Variants in ASXL2 observed in about 807,000 individuals in gnomAD.
ASXL2 encodes the protein ASXL transcriptional regulator 2.
Under a neutral mutation model 122.0 loss-of-function variants are expected in ASXL2, and 23 were observed. The observed-to-expected ratio is 0.19, with a 90% CI of 0.14 to 0.27. The LOEUF (loss-of-function observed/expected upper bound fraction) is 0.27. Ranked by LOEUF, ASXL2 falls within the 10% of genes least tolerant of loss-of-function variation. The probability of loss-of-function intolerance (pLI) is 1.00; values close to 1 mark genes in which losing one functional copy is unlikely to be tolerated. For synonymous variants in ASXL2, 650 were observed against 637.0 expected (o/e 1.02, Z -0.31); for missense variants, 1,518 against 1,713.8 (o/e 0.89, Z 2.02).
rs1402223554 is a variant in ASXL2 at position 25,742,159 on chromosome 2, A to G, written c.4178T>C (p.Ile1393Thr). The stretch of plus-strand genomic sequence containing the variant: ...GTAACATTTCGAAGGCGTGCCCTCT[A>G]TGCTGTTCTCTTCGGAGAACGCCTG... ...PVQAFSEENS[I>T]EGTPSKCYCR... The change falls in exon 13 of 13, where the codon ATA (isoleucine) becomes ACA (threonine). Residue 1393 changes from isoleucine (I) to threonine (T), a missense_variant. Transcript: ENST00000435504. 6.2e-7 allele frequency: 1 copy of G among 1,614,050 alleles called. No individual in the cohort carries two copies. The highest frequency in any genetic ancestry group is 1.1e-5 in the South Asian group (1 of 91,080).
At chr2:25,752,190 G>C (rs2088057485) in intron 11 of ASXL2, among the ~76,000 whole-genome samples, 1 of 152,154 alleles carries the variant, frequency 6.6e-6, no homozygotes, top group Non-Finnish European at 1.5e-5. Context: ...TGTGGTTACG[G>C]GTCTTCTTAA....
chr2:25,804,755 T>C (rs1436226061), intron 4 of ASXL2, among the ~76,000 whole-genome samples: 1 of 152,168 alleles, frequency 6.6e-6, no homozygotes, highest in Non-Finnish European at 1.5e-5. Flanking sequence ...AATTTGAAAT[T>C]GGCAAGCTTG....
At chr2:25,790,800 C>CTTTTTTT (rs35046164) in intron 5 of ASXL2, among the ~76,000 whole-genome samples, 2 of 108,854 alleles carry the variant, frequency 1.8e-5, no homozygotes, top group Non-Finnish European at 3.6e-5. Flanking sequence ...AGTTTTTTGT[C>CTTTTTTT]TTTTTTTTTT....
chr2:25,856,608 CCCA>C (rs1377940523), intron 1 of ASXL2: 2 of 1,226,658 alleles, frequency 1.6e-6, no homozygotes, highest in Middle Eastern at 3.8e-4. Context: ...TGTGCAGAGC[CCCA>C]CCACAAGGTC....
chr2:25,800,979 T>A (rs2088989740), intron 4 of ASXL2, among the ~76,000 whole-genome samples: 1 of 152,174 alleles, frequency 6.6e-6, no homozygotes. Context: ...CAGGCTGGAG[T>A]GCAGTAGTGC....
chr2:25,767,707 T>C lies in ASXL2; in HGVS notation c.651A>G (p.Gln217=), dbSNP rs753208435. The stretch of plus-strand genomic sequence containing the variant: ...GAGGGCTGCCTGTCTGTCCATCAGA[T>C]TGCTTTCCTTCCCATGTTGCTAGGA... ...PAKPATWEGK[Q]SDGQTGSPQN... is the part of the protein sequence containing the mutation. The change falls in exon 8 of 13, where the codon CAA becomes CAG. Residue 217 remains glutamine, a synonymous_variant. Transcript: ENST00000435504. The C allele has an allele frequency of 4.2e-5, 67 of 1,613,940 alleles. No homozygotes were observed. The highest frequency in any genetic ancestry group is 1.0e-4 in the Admixed American group (6 of 60,022).
At chr2:25,810,223 G>C in intron 3 of ASXL2, 1 of 604,312 alleles carries the variant, frequency 1.7e-6, no homozygotes, top group Non-Finnish European at 3.2e-6. Flanking sequence ...GACACTGCCA[G>C]CTCAGCTCGT....
intron 3 of ASXL2, among the ~76,000 whole-genome samples, chr2:25,829,069 C>T (rs985995673): frequency 1.3e-5 from 2 of 152,088 alleles, no homozygotes; most frequent in Admixed American, 6.6e-5. Context: ...TGGTTTATTA[C>T]AGCATCAGGC....
chr2:25,784,089 A>G (rs1421207784), intron 5 of ASXL2, among the ~76,000 whole-genome samples: 1 of 148,136 alleles, frequency 6.8e-6, no homozygotes, highest in Non-Finnish European at 1.5e-5. Context: ...AAATAAATAA[A>G]TAAATAAATA....
At chr2:25,849,648 T>C (rs985179818) in intron 1 of ASXL2, among the ~76,000 whole-genome samples, 1 of 151,830 alleles carries the variant, frequency 6.6e-6, no homozygotes, top group Non-Finnish European at 1.5e-5. Context: ...CTAATTTTTG[T>C]ATTTTTTTGT....
chr2:25,778,357 T>C (rs1374561861), intron 5 of ASXL2, among the ~76,000 whole-genome samples: 3 of 152,178 alleles, frequency 2.0e-5, no homozygotes, highest in African/African-American at 7.2e-5. Context: ...AATGTGTTCA[T>C]AAGGCAAGGA....
At position 25,767,728 on chromosome 2, in the gene ASXL2, T is replaced by A. The variant is rs2088377022; in HGVS notation, c.632-2A>T. On this transcript the variant is annotated splice_acceptor_variant, in intron 7 of 12. Coordinates refer to ENST00000435504, the MANE Select transcript of ASXL2 (RefSeq NM_018263.6). LOFTEE classifies it high-confidence loss of function. ...CAGATTGCTTTCCTTCCCATGTTGCTAGGAGAAAAAAATACGTATAAAGAC... is the reference window on the plus strand; with the variant it reads ...CAGATTGCTTTCCTTCCCATGTTGCAAGGAGAAAAAAATACGTATAAAGAC... The A allele has an allele frequency of 6.2e-7, 1 of 1,613,600 alleles. No individual in the cohort carries two copies. The highest frequency in any genetic ancestry group is 2.2e-5 in the East Asian group (1 of 44,852).
rs754793216 is a variant in ASXL2, at chr2:25,744,342, T to C, written c.1995A>G (p.Gln665=). Residue 665 remains glutamine (Q), a synonymous_variant, in exon 13 of 13, where the codon CAA becomes CAG. Coordinates refer to ENST00000435504, the MANE Select transcript of ASXL2 (RefSeq NM_018263.6). The surrounding 1 kb of genome is among the most constrained non-coding windows in gnomAD (Gnocchi z 4.7). ...CTGCTGCCCTCTGTGCTTTGACCAG[T>C]TGGGCTTTTGCTTTGATGTCTGCAA... ...RTLADIKAKA[Q]LVKAQRAAAA... 4 of 1,613,994 alleles carry C rather than the reference T, an allele frequency of 2.5e-6. No individual in the cohort carries two copies. The South Asian group carries it at 4.4e-5, about 18-fold the overall frequency.
chr2:25,759,617 G>A lies in ASXL2; in HGVS notation c.804C>T (p.Asp268=). Reference sequence around the variant, plus strand: ...TGGAGTCCGGTGTCTCAACGTCAATGTCAGCACATTTAGTTCTTTTCATTT... The same window carrying A: ...TGGAGTCCGGTGTCTCAACGTCAATATCAGCACATTTAGTTCTTTTCATTT... ...TRQMKRTKCA[D]IDVETPDSIL... The change falls in exon 9 of 13, where the codon GAC becomes GAT. Residue 268 remains aspartate, a synonymous_variant. Transcript: ENST00000435504. 6.2e-7 allele frequency: 1 copy of A among 1,613,296 alleles called. No individual in the cohort carries two copies. Among genetic ancestry groups the A allele is most frequent in the Non-Finnish European group, 8.5e-7 (1 of 1,179,448 alleles).
chr2:25,777,582 G>A (rs955341580), intron 5 of ASXL2, among the ~76,000 whole-genome samples: 4 of 149,518 alleles, frequency 2.7e-5, no homozygotes, highest in Non-Finnish European at 4.4e-5. Context: ...AGACCCTATC[G>A]TTTAATAAAA....
intron 5 of ASXL2, among the ~76,000 whole-genome samples, chr2:25,781,271 C>T (rs558984112): frequency 2.0e-5 from 3 of 151,846 alleles, no homozygotes; most frequent in Non-Finnish European, 4.4e-5. Context: ...CGGTGGCTCA[C>T]GCCTGTAATC....
chr2:25,839,262 G>A (rs2089549731), intron 2 of ASXL2, among the ~76,000 whole-genome samples: 2 of 152,144 alleles, frequency 1.3e-5, no homozygotes, highest in Non-Finnish European at 2.9e-5. Flanking sequence ...AATTGAACAA[G>A]GAGGTGAGAC....
intron 9 of ASXL2, among the ~76,000 whole-genome samples, chr2:25,758,179 C>T (rs1437734791): frequency 6.6e-6 from 1 of 152,206 alleles, no homozygotes; most frequent in Non-Finnish European, 1.5e-5. Flanking sequence ...TGATTCACAA[C>T]ACTATGAAAC....
At chr2:25,806,197 C>T (rs1446892375) in intron 4 of ASXL2, 32 bp downstream of exon 4, 2 of 1,425,508 alleles carry the variant, frequency 1.4e-6, no homozygotes, top group Admixed American at 1.9e-5. Context: ...CCTGTTTTTT[C>T]TTTCTAAATG....
Sources: gnomAD v4.1 joint callset for allele counts (sites outside exome capture counted in the v4.1 genomes callset) on GRCh38, gnomAD v4.1.1 for gene constraint, Gnocchi (gnomAD v3.1) non-coding constraint, MANE v1.5 for transcripts, NCBI Gene and HGNC (gene_info 2026-07-23, HGNC 2026-07-21) for gene names.